ITGB5: variants seen among roughly 807,000 people sequenced by gnomAD.
The protein encoded by ITGB5 is integrin beta-5.
In ITGB5, 38 loss-of-function variants were observed where a neutral mutation model predicts 84.8. The observed-to-expected ratio is 0.45, with a 90% confidence interval of 0.35 to 0.59. The LOEUF is 0.59. Ranked by LOEUF, ITGB5 falls within the 20% of genes least tolerant of loss-of-function variation. ITGB5 has a pLI of 0.01. For synonymous variants in ITGB5, 393 were observed against 414.4 expected (o/e 0.95, Z 0.63); for missense variants, 905 against 1,034.5 (o/e 0.87, Z 1.72).
At chr3:124,771,802 T>C (rs2063849062) in intron 11 of ITGB5, among the ~76,000 whole-genome samples, 1 of 151,116 alleles carries the variant, frequency 6.6e-6, no homozygotes, top group African/African-American at 2.4e-5. Context: ...ATCTCTTTGC[T>C]CTCCTTGCTC....
chr3:124,796,657 C>T lies in ITGB5; in HGVS notation c.1424G>A (p.Arg475Lys). The change falls in exon 10 of 15, where the codon AGG becomes AAG. Residue 475 changes from arginine (R) to lysine (K), a missense_variant. Physicochemically the swap from Arg to Lys is conservative, Grantham distance 26. Around this residue, in one of 3 missense-constraint regions of ITGB5, gnomAD observed 656 missense variants for 734.7 expected, o/e 0.89. Transcript: ENST00000296181. ...GACATAGGTCCCGCTCCCGTTGCAC[C>T]TGGCGCTGTTGGGTTCCAGCCCCAC... is the stretch of plus-strand genomic sequence containing the variant. ...CSVGLEPNSA[R>K]CNGSGTYVCG... 1 of 1,614,076 alleles carries T rather than the reference C, an allele frequency of 6.2e-7. No individual in the cohort carries two copies. The highest frequency in any genetic ancestry group is 1.1e-5 in the South Asian group (1 of 91,066).
chr3:124,822,263 T>C (rs890037659), intron 5 of ITGB5, among the ~76,000 whole-genome samples: 1 of 152,224 alleles, frequency 6.6e-6, no homozygotes, highest in African/African-American at 2.4e-5. Context: ...TAGACCTTGA[T>C]ACAGAGCAAG....
At chr3:124,861,481 CATAT>C (rs771303161) in intron 2 of ITGB5, among the ~76,000 whole-genome samples, 138 of 117,796 alleles carry the variant, frequency 1.2e-3, no homozygotes, top group African/African-American at 2.6e-3. Flanking sequence ...CAAAACAAAA[CATAT>C]ATATATATAT....
In ITGB5 at chr3:124,819,869, C is replaced by T. The variant is rs190770016; in HGVS notation, c.943-35G>A. On this transcript the variant is annotated intron_variant, in intron 6 of 14. Coordinates refer to ENST00000296181, the MANE Select transcript of ITGB5 (RefSeq NM_002213.5). ...AGGCAAAAGTCAAGGCTATGACATT[C>T]CTAACAGGTGTAGATACCAGCACCT... 1.2e-4 allele frequency: 176 copies of T among 1,467,912 alleles called. No homozygotes were observed. The East Asian group carries it at 2.8e-3, about 23-fold the overall frequency. 90.9% of individuals were successfully genotyped at this position (1,467,912 alleles called of 1,614,324 possible).
chr3:124,882,568 C>T (rs543584344), intron 1 of ITGB5, among the ~76,000 whole-genome samples: 3 of 152,046 alleles, frequency 2.0e-5, no homozygotes, highest in East Asian at 3.9e-4. Context: ...AGCAAAGGAT[C>T]GAAGGGAAAG....
At position 124,804,962 on chromosome 3, in the gene ITGB5, C is replaced by T. The variant is rs531112739; in HGVS notation, c.1263+4060G>A. ...AATTACAGGCGTGAGCCACCGTGCCCGCCTTTCTTTCTTTCCTTCCTTCCT... is the reference window on the plus strand; with the variant it reads ...AATTACAGGCGTGAGCCACCGTGCCTGCCTTTCTTTCTTTCCTTCCTTCCT... On this transcript the variant is annotated intron_variant, in intron 9 of 14. Transcript: ENST00000296181. 1.9e-3 allele frequency among the ~76,000 whole-genome samples: 285 copies of T among 151,146 alleles called. 2 individuals are homozygous for T. The highest frequency in any genetic ancestry group is 5.0e-3 in the South Asian group (24 of 4,780).
chr3:124,789,359 T>C lies in ITGB5; in HGVS notation c.1693+7029A>G, dbSNP rs867382785. On this transcript the variant is annotated intron_variant, in intron 10 of 14. Transcript: ENST00000296181. ...TTTAACTAGACAGGGTTATCAGAAC[T>C]GCCTTTAACTAGACAGGGTTAACAG... Among the ~76,000 whole-genome samples, 276 of 147,172 alleles carry C rather than the reference T, an allele frequency of 1.9e-3. 1 individual carries two copies. The highest frequency in any genetic ancestry group is 2.3e-3 in the Non-Finnish European group (155 of 66,920).
chr3:124,764,333 A>G (rs1461199633), intron 14 of ITGB5, 58 bp downstream of exon 14: 1 of 1,551,646 alleles, frequency 6.4e-7, no homozygotes, highest in African/African-American at 1.4e-5. Context: ...ATACCGCTGA[A>G]CTCAACCACG....
intron 5 of ITGB5, among the ~76,000 whole-genome samples, chr3:124,834,039 A>G (rs1453145275): frequency 6.6e-6 from 1 of 152,216 alleles, no homozygotes; most frequent in Non-Finnish European, 1.5e-5. Flanking sequence ...GGCACAGGTT[A>G]GACATTAAAA....
In ITGB5 at chr3:124,842,491, G is replaced by T. The variant is rs560001335; in HGVS notation, c.612-940C>A. 4.6e-5 allele frequency among the ~76,000 whole-genome samples: 7 copies of T among 152,324 alleles called. No individual in the cohort carries two copies. In the South Asian group the frequency reaches 1.5e-3, roughly 32 times the overall value. On this transcript the variant is annotated intron_variant, in intron 4 of 14. Coordinates refer to ENST00000296181, the MANE Select transcript of ITGB5 (RefSeq NM_002213.5). Reference sequence around the variant, plus strand: ...AGGGGAGAGTGTCCCAGCCAGAGAAGAGCATGTGCAAGAGTCCTGTGGCAG... The same window carrying T: ...AGGGGAGAGTGTCCCAGCCAGAGAATAGCATGTGCAAGAGTCCTGTGGCAG...
chr3:124,877,516 T>A (rs1934380796), intron 1 of ITGB5, among the ~76,000 whole-genome samples: 1 of 152,180 alleles, frequency 6.6e-6, no homozygotes, highest in Admixed American at 6.5e-5. Flanking sequence ...ATATATAAAA[T>A]CATTTTCATA....
At chr3:124,864,905 G>A (rs1046368404) in intron 2 of ITGB5, among the ~76,000 whole-genome samples, 2 of 152,186 alleles carry the variant, frequency 1.3e-5, no homozygotes, top group Admixed American at 6.5e-5. Flanking sequence ...ATCACCTGGT[G>A]CCATCCCCTG....
intron 9 of ITGB5, among the ~76,000 whole-genome samples, chr3:124,805,013 C>T (rs564663666): frequency 6.6e-6 from 1 of 151,402 alleles, no homozygotes; most frequent in Non-Finnish European, 1.5e-5. Flanking sequence ...CTTTCTTCTT[C>T]CTTCCTTCCT....
intron 3 of ITGB5, among the ~76,000 whole-genome samples, chr3:124,850,582 T>C (rs1207743262): frequency 1.4e-5 from 2 of 147,372 alleles, no homozygotes; most frequent in African/African-American, 4.9e-5. Flanking sequence ...TTGGGAGATA[T>C]ACCTAATGCT....
chr3:124,817,271 A>G (rs1471438202), intron 8 of ITGB5, among the ~76,000 whole-genome samples: 2 of 152,138 alleles, frequency 1.3e-5, no homozygotes, highest in Non-Finnish European at 2.9e-5. Flanking sequence ...TGGCAGCGTT[A>G]GCCTGGGCAC....
At chr3:124,860,565 A>C (rs921216984) in intron 2 of ITGB5, among the ~76,000 whole-genome samples, 20 of 152,258 alleles carry the variant, frequency 1.3e-4, no homozygotes, top group African/African-American at 4.8e-4. Context: ...TTTAAAATGA[A>C]ACAATATACT....
At chr3:124,897,466 T>C (rs553412617) in intron 1 of ITGB5, among the ~76,000 whole-genome samples, 35 of 152,248 alleles carry the variant, frequency 2.3e-4, no homozygotes, top group African/African-American at 8.2e-4. Context: ...GAGGTTGAAG[T>C]TATTTGCTTA....
upstream of ITGB5, among the ~76,000 whole-genome samples, chr3:124,888,012 G>T (rs1197972162): frequency 6.6e-6 from 1 of 151,694 alleles, no homozygotes. Context: ...GACCTCCTGG[G>T]CTCAAAGGTT....
At chr3:124,778,764 A>C (rs775268532) in intron 10 of ITGB5, among the ~76,000 whole-genome samples, 1 of 152,174 alleles carries the variant, frequency 6.6e-6, no homozygotes, top group South Asian at 2.1e-4. Flanking sequence ...GAAATGAAGG[A>C]ATCAAGGGAA....
Sources: gnomAD v4.1 joint callset for allele counts (sites outside exome capture counted in the v4.1 genomes callset) on GRCh38, gnomAD v4.1.1 for gene constraint, gnomAD v4.1.1 regional missense constraint, MANE v1.5 for transcripts, NCBI Gene and HGNC (gene_info 2026-07-23, HGNC 2026-07-21) for gene names.